Variants in GPHN observed in about 807,000 individuals in gnomAD.
GPHN encodes gephyrin.
GPHN carries 17 observed loss-of-function variants against 95.5 expected under a neutral mutation model. That is an observed-to-expected ratio of 0.18 (90% CI 0.12 to 0.27). The LOEUF (loss-of-function observed/expected upper bound fraction) is 0.27, where lower values mean the gene tolerates loss of function less well. GPHN is among the 10% of genes least tolerant of loss of function. The pLI is 1.00. For missense variants in GPHN, 660 were observed against 978.1 expected, an observed-to-expected ratio of 0.67 and a Z score of 4.34; for synonymous variants, 320 against 322.5, an observed-to-expected ratio of 0.99 and a Z score of 0.08.
intron 1 of GPHN, among the ~76,000 whole-genome samples, chr14:66,539,517 C>T (rs1299816767): frequency 2.0e-5 from 3 of 148,008 alleles, no homozygotes; most frequent in African/African-American, 2.5e-5. Flanking sequence ...CGGGTTCAAG[C>T]GATTCTCCTG....
At chr14:66,979,092 C>T (rs187619846) in intron 9 of GPHN, among the ~76,000 whole-genome samples, 92 of 152,254 alleles carry the variant, frequency 6.0e-4, no homozygotes, top group Admixed American at 1.5e-3. Context: ...CTTTCTTGTT[C>T]CATTTGTAGA....
intron 9 of GPHN, among the ~76,000 whole-genome samples, chr14:67,014,044 T>C (rs28685619): frequency 0.24 from 36,842 of 151,868 alleles, 8,899 homozygotes; most frequent in African/African-American, 0.59. Flanking sequence ...CATACTCACC[T>C]AAATTAATCT....
At chr14:67,483,808 G>T in the GPHN span, among the ~76,000 whole-genome samples, 1 of 152,222 alleles carries the variant, frequency 6.6e-6, no homozygotes, top group South Asian at 2.1e-4. Context: ...AAGAGCAGGG[G>T]CCAGCTGCCC....
At chr14:67,131,437 C>G (rs1015228596) in intron 17 of GPHN, among the ~76,000 whole-genome samples, 2 of 152,160 alleles carry the variant, frequency 1.3e-5, no homozygotes, top group African/African-American at 4.8e-5. Flanking sequence ...ATACCATTCT[C>G]TCTTTCCATG....
chr14:67,349,820 G>C, the GPHN span, among the ~76,000 whole-genome samples: 1 of 152,144 alleles, frequency 6.6e-6, no homozygotes, highest in Non-Finnish European at 1.5e-5. Flanking sequence ...TTCAATGCAA[G>C]CTGTGATCTT....
At chr14:66,881,528 A>G (rs1332542945) in intron 5 of GPHN, among the ~76,000 whole-genome samples, 1 of 151,906 alleles carries the variant, frequency 6.6e-6, no homozygotes, top group East Asian at 1.9e-4. Context: ...GCCAAGTCCC[A>G]TATTAAGCAT....
At chr14:66,644,928 A>G (rs185832965) in intron 1 of GPHN, among the ~76,000 whole-genome samples, 4 of 152,242 alleles carry the variant, frequency 2.6e-5, no homozygotes, top group Non-Finnish European at 5.9e-5. Flanking sequence ...ACTAATTTAA[A>G]TTTTGTAGTA....
intron 2 of GPHN, among the ~76,000 whole-genome samples, chr14:66,735,435 C>T (rs2072176878): frequency 6.6e-6 from 1 of 152,038 alleles, no homozygotes; most frequent in Non-Finnish European, 1.5e-5. Context: ...ATGTACAGGG[C>T]CCAATAGTTG....
chr14:67,627,814 T>C, the GPHN span, among the ~76,000 whole-genome samples: 1 of 152,172 alleles, frequency 6.6e-6, no homozygotes, highest in Non-Finnish European at 1.5e-5. Context: ...GAAATGAAAG[T>C]ACAGCACCTG....
intron 1 of GPHN, among the ~76,000 whole-genome samples, chr14:66,602,188 T>C (rs754585003): frequency 6.6e-6 from 1 of 152,006 alleles, no homozygotes; most frequent in African/African-American, 2.4e-5. Context: ...TATGTAAATA[T>C]TGTAGATTGT....
At chr14:67,219,127 G>A in the GPHN span, among the ~76,000 whole-genome samples, 1 of 152,212 alleles carries the variant, frequency 6.6e-6, no homozygotes, top group Non-Finnish European at 1.5e-5. Context: ...TGCATACCTT[G>A]TGCTCTTAAC....
chr14:66,937,279 C>G (rs996486140), intron 8 of GPHN, among the ~76,000 whole-genome samples: 1 of 152,126 alleles, frequency 6.6e-6, no homozygotes. Context: ...GTTAGCATTA[C>G]AGGCATGAGC....
intron 1 of GPHN, among the ~76,000 whole-genome samples, chr14:66,535,770 A>G (rs1159780686): frequency 6.6e-6 from 1 of 152,190 alleles, no homozygotes; most frequent in Non-Finnish European, 1.5e-5. Flanking sequence ...ATTGTTTAAT[A>G]CATAGAATTA....
At chr14:67,362,009 T>C in the GPHN span, among the ~76,000 whole-genome samples, 1 of 148,798 alleles carries the variant, frequency 6.7e-6, no homozygotes, top group Non-Finnish European at 1.5e-5. Context: ...AAGAGTCTTT[T>C]TTTTTTTTCT....
At chr14:67,378,830 A>G in the GPHN span, among the ~76,000 whole-genome samples, 1 of 152,234 alleles carries the variant, frequency 6.6e-6, no homozygotes, top group Non-Finnish European at 1.5e-5. Flanking sequence ...CATAGTTGGA[A>G]ACAATGTTTT....
the GPHN span, among the ~76,000 whole-genome samples, chr14:67,499,311 T>G: frequency 6.6e-6 from 1 of 152,220 alleles, no homozygotes; most frequent in Admixed American, 6.5e-5. Context: ...ACTAATGGTC[T>G]TTTATTGATA....
chr14:66,703,144 C>T (rs1310218486), intron 2 of GPHN, among the ~76,000 whole-genome samples: 4 of 151,818 alleles, frequency 2.6e-5, no homozygotes, highest in South Asian at 2.1e-4. Flanking sequence ...GGGACTTCAG[C>T]GTTTAAAAAG....
At chr14:67,280,811 C>T in the GPHN span, among the ~76,000 whole-genome samples, 1 of 115,612 alleles carries the variant, frequency 8.6e-6, no homozygotes, top group African/African-American at 4.2e-5. Context: ...TTCCTTCCTT[C>T]CTTCCTTCCT....
rs2075787470 is a variant in GPHN, at chr14:67,060,607, G to T, written c.1144+1821G>T. Among the ~76,000 whole-genome samples the T allele has an allele frequency of 2.0e-5, 3 of 152,278 alleles. No homozygotes were observed. In the South Asian group the frequency reaches 6.2e-4, roughly 32 times the overall value. On this transcript the variant is annotated intron_variant, in intron 11 of 22. Coordinates refer to ENST00000478722, the MANE Select transcript of GPHN (RefSeq NM_020806.5). Reference sequence around the variant, plus strand: ...TGTTAAGTCCTGTATTTGCAAAGATGAATAAAAATAAAACTCCTGCCCCAT... The same window carrying T: ...TGTTAAGTCCTGTATTTGCAAAGATTAATAAAAATAAAACTCCTGCCCCAT...
Sources: gnomAD v4.1 joint callset for allele counts (sites outside exome capture counted in the v4.1 genomes callset) on GRCh38, gnomAD v4.1.1 for gene constraint, MANE v1.5 for transcripts, NCBI Gene and HGNC (gene_info 2026-07-23, HGNC 2026-07-21) for gene names.